Variants in PPIP5K2 observed in about 807,000 individuals in gnomAD.
The protein encoded by PPIP5K2 is inositol hexakisphosphate and diphosphoinositol-pentakisphosphate kinase 2.
In PPIP5K2, 105 loss-of-function variants were observed where a neutral mutation model predicts 154.6. That is an observed-to-expected ratio of 0.68 (90% CI 0.58 to 0.80). PPIP5K2 has a LOEUF of 0.80. PPIP5K2 is among the 30% of genes least tolerant of loss of function. The pLI is 0.00. For missense variants in PPIP5K2, 992 were observed against 1,504.6 expected (o/e 0.66, Z 5.64); for synonymous variants, 480 against 490.3 (o/e 0.98, Z 0.28).
At chr5:103,147,213 G>A (rs2149540311) in intron 6 of PPIP5K2, among the ~76,000 whole-genome samples, 1 of 152,016 alleles carries the variant, frequency 6.6e-6, no homozygotes, top group South Asian at 2.1e-4. Flanking sequence ...ATATAATTTA[G>A]CAATGTATCA....
intron 23 of PPIP5K2, among the ~76,000 whole-genome samples, 157 bp from the exon 24 acceptor site, chr5:103,179,864 C>T (rs1437181816): frequency 6.6e-6 from 1 of 152,098 alleles, no homozygotes; most frequent in Non-Finnish European, 1.5e-5. Context: ...CAGCATAATA[C>T]TAAGCTGTTA....
chr5:103,199,984 A>G (rs1475721098), intron 30 of PPIP5K2, among the ~76,000 whole-genome samples: 3 of 152,166 alleles, frequency 2.0e-5, no homozygotes, highest in Non-Finnish European at 2.9e-5. Context: ...GTTTCTTAGT[A>G]TATTAATTTT....
chr5:103,151,470 CTAGAG>C, intron 9 of PPIP5K2, 96 bp downstream of exon 9: 1 of 1,024,456 alleles, frequency 9.8e-7, no homozygotes, highest in Non-Finnish European at 1.4e-6. Context: ...TTTAAGCATT[CTAGAG>C]TAAAGATCAG....
intron 5 of PPIP5K2, among the ~76,000 whole-genome samples, chr5:103,144,778 C>G (rs1793453404): frequency 2.6e-5 from 4 of 152,056 alleles, no homozygotes; most frequent in Admixed American, 2.0e-4. Flanking sequence ...GGATTAAATA[C>G]TTAAATCTAA....
intron 28 of PPIP5K2, chr5:103,188,984 T>TA: frequency 2.2e-6 from 1 of 461,750 alleles, no homozygotes; most frequent in Non-Finnish European, 3.8e-6. Context: ...TGTGTTGTCT[T>TA]ATCTGTCCTA....
At chr5:103,140,210 C>G (rs537652078) in intron 5 of PPIP5K2, among the ~76,000 whole-genome samples, 1 of 149,520 alleles carries the variant, frequency 6.7e-6, no homozygotes, top group African/African-American at 2.4e-5. Flanking sequence ...AATTAGTGCT[C>G]TTAAAGAGAA....
intron 4 of PPIP5K2, among the ~76,000 whole-genome samples, chr5:103,137,290 G>A (rs955449270): frequency 1.3e-5 from 2 of 151,514 alleles, no homozygotes; most frequent in Non-Finnish European, 2.9e-5. Context: ...AGCCTCCCGA[G>A]TAGCTGGGAT....
In PPIP5K2 at chr5:103,190,852, G is replaced by A. The variant is rs782206247; in HGVS notation, c.3363G>A (p.Leu1121=). ...TTTTTTCTCTTCTAGGCTTTGAATTGTATTCCATGGTGCCATCTATTTGTC... is the reference window on the plus strand; with the variant it reads ...TTTTTTCTCTTCTAGGCTTTGAATTATATTCCATGGTGCCATCTATTTGTC... ...FARHPTNGFE[L]YSMVPSICPL... Residue 1121 remains leucine (L), a synonymous_variant, in exon 29 of 31, where the codon TTG becomes TTA. Coordinates refer to ENST00000358359, the MANE Select transcript of PPIP5K2 (RefSeq NM_001276277.3). 1.8e-5 allele frequency: 29 copies of A among 1,586,584 alleles called. No homozygotes were observed. The highest frequency in any genetic ancestry group is 2.5e-5 in the Non-Finnish European group (29 of 1,169,874).
intron 2 of PPIP5K2, among the ~76,000 whole-genome samples, chr5:103,131,082 G>A (rs558304904): frequency 6.6e-6 from 1 of 152,128 alleles, no homozygotes; most frequent in South Asian, 2.1e-4. Context: ...ACCCTCCCCA[G>A]ATTTCACATC....
chr5:103,163,724 T>G (rs1288710437), intron 17 of PPIP5K2, among the ~76,000 whole-genome samples: 1 of 151,990 alleles, frequency 6.6e-6, no homozygotes, highest in Non-Finnish European at 1.5e-5. Flanking sequence ...AAAAACGTAC[T>G]GAATTTTATC....
chr5:103,147,857 C>A, intron 6 of PPIP5K2, 74 bp from the exon 7 acceptor site: 1 of 863,412 alleles, frequency 1.2e-6, no homozygotes, highest in Non-Finnish European at 1.8e-6. Context: ...GGTAAATAAA[C>A]TATTTGTCAT....
intron 24 of PPIP5K2, among the ~76,000 whole-genome samples, chr5:103,181,196 G>GT (rs1209400037): frequency 2.0e-5 from 3 of 151,942 alleles, no homozygotes; most frequent in Admixed American, 6.6e-5. Flanking sequence ...GGTTATCTCT[G>GT]TTTTCTGTAG....
intron 5 of PPIP5K2, among the ~76,000 whole-genome samples, chr5:103,140,147 GT>G (rs1397243857): frequency 5.0e-4 from 7 of 14,088 alleles, no homozygotes; most frequent in African/African-American, 1.2e-3. Flanking sequence ...AAGGGAAAAT[GT>G]TAAAAAAAAA....
At position 103,189,182 on chromosome 5, in the gene PPIP5K2, A is replaced by C. The variant is rs935555341; in HGVS notation, c.3353-1660A>C. On this transcript the variant is annotated intron_variant, in intron 28 of 30. Coordinates refer to ENST00000358359, the MANE Select transcript of PPIP5K2 (RefSeq NM_001276277.3). ...CTCTGTGCAGAACACCTACACCTCT[A>C]TAGGTGCTGGTCCGTTTCCTCTGTG... The C allele has an allele frequency of 3.3e-6, 5 of 1,530,150 alleles. No individual in the cohort carries two copies. In the East Asian group the frequency reaches 7.3e-5, roughly 22 times the overall value. 94.8% of individuals were successfully genotyped at this position (1,530,150 alleles called of 1,614,324 possible). A position where few individuals can be genotyped will look rare whatever the true frequency, so the allele number is the denominator to read the frequency against.
At chr5:103,140,792 G>A (rs1197655270) in intron 5 of PPIP5K2, among the ~76,000 whole-genome samples, 1 of 145,980 alleles carries the variant, frequency 6.9e-6, no homozygotes, top group Non-Finnish European at 1.5e-5. Flanking sequence ...AGCGGAGATC[G>A]CGCCACAGCA....
At chr5:103,134,258 A>C (rs1791106466) in intron 3 of PPIP5K2, among the ~76,000 whole-genome samples, 1 of 152,152 alleles carries the variant, frequency 6.6e-6, no homozygotes, top group Non-Finnish European at 1.5e-5. Flanking sequence ...ATATCACTTC[A>C]GCTTAAGTAT....
At chr5:103,131,662 A>C (rs1484507875) in intron 2 of PPIP5K2, among the ~76,000 whole-genome samples, 1 of 152,154 alleles carries the variant, frequency 6.6e-6, no homozygotes, top group Non-Finnish European at 1.5e-5. Context: ...GTATAGCTTT[A>C]TATTTATAAA....
intron 26 of PPIP5K2, 57 bp downstream of exon 26, chr5:103,184,801 C>T: frequency 7.3e-7 from 1 of 1,375,792 alleles, no homozygotes; most frequent in South Asian, 1.2e-5. Flanking sequence ...CTATTGTGCA[C>T]ACATGTAAAA....
intron 28 of PPIP5K2, 47 bp from the exon 29 acceptor site, chr5:103,190,795 A>T: frequency 6.6e-7 from 1 of 1,511,706 alleles, no homozygotes. Context: ...ACTGATTTTT[A>T]AAATATCCAT....
Sources: gnomAD v4.1 joint callset for allele counts (sites outside exome capture counted in the v4.1 genomes callset) on GRCh38, gnomAD v4.1.1 for gene constraint, MANE v1.5 for transcripts, NCBI Gene and HGNC (gene_info 2026-07-23, HGNC 2026-07-21) for gene names.